Variants in FAM3D observed in about 807,000 individuals in gnomAD.
FAM3D encodes protein FAM3D.
FAM3D carries 26 observed loss-of-function variants against 29.8 expected under a neutral mutation model. The ratio of observed to expected loss-of-function variants is 0.87; its 90% CI spans 0.64 to 1.21. FAM3D has a LOEUF of 1.21. Among genes scored for constraint, FAM3D ranks in the 50% most tolerant of loss-of-function variants. The probability of loss-of-function intolerance (pLI) is 0.00; values close to 1 mark genes in which losing one functional copy is unlikely to be tolerated. For synonymous variants in FAM3D, 115 were observed against 102.3 expected (o/e 1.12, Z -0.75); for missense variants, 253 against 290.9 (o/e 0.87, Z 0.95).
At chr3:58,666,344 T>C (rs2067030411) in intron 1 of FAM3D, among the ~76,000 whole-genome samples, 1 of 152,218 alleles carries the variant, frequency 6.6e-6, no homozygotes, top group Admixed American at 6.5e-5. Flanking sequence ...GAATCCTTTT[T>C]ATCACAGTCT....
At chr3:58,649,541 A>AT in intron 3 of FAM3D, 1 of 606,114 alleles carries the variant, frequency 1.6e-6, no homozygotes, top group Non-Finnish European at 3.0e-6. Context: ...ACACATGTGT[A>AT]CACACACGCA....
intron 3 of FAM3D, among the ~76,000 whole-genome samples, chr3:58,653,075 G>A (rs1250172267): frequency 6.6e-6 from 1 of 151,874 alleles, no homozygotes; most frequent in African/African-American, 2.4e-5. Context: ...TTGTCTTCAG[G>A]AAGCTCACAT....
At chr3:58,639,630 C>T (rs901395524) in intron 7 of FAM3D, among the ~76,000 whole-genome samples, 1 of 152,198 alleles carries the variant, frequency 6.6e-6, no homozygotes, top group African/African-American at 2.4e-5. Flanking sequence ...AGCACCCTCC[C>T]ATCAAGCAAC....
chr3:58,662,972 C>T (rs2066960722), intron 1 of FAM3D, among the ~76,000 whole-genome samples: 1 of 152,242 alleles, frequency 6.6e-6, no homozygotes, highest in African/African-American at 2.4e-5. Flanking sequence ...GATCTCAGCT[C>T]ACTGCAACCT....
At chr3:58,659,657 C>T (rs2066894922) in intron 1 of FAM3D, among the ~76,000 whole-genome samples, 1 of 152,170 alleles carries the variant, frequency 6.6e-6, no homozygotes, top group Non-Finnish European at 1.5e-5. Context: ...TTTCTTCGTC[C>T]GCGGCCGGAT....
At chr3:58,640,424 G>A (rs1476162120) in intron 6 of FAM3D, among the ~76,000 whole-genome samples, 1 of 152,072 alleles carries the variant, frequency 6.6e-6, no homozygotes, top group African/African-American at 2.4e-5. Flanking sequence ...AGTCTGAGTC[G>A]GTGTTCTGTC....
intron 1 of FAM3D, among the ~76,000 whole-genome samples, chr3:58,662,881 G>A (rs1438800407): frequency 6.6e-6 from 1 of 152,228 alleles, no homozygotes; most frequent in Non-Finnish European, 1.5e-5. Flanking sequence ...CCCAAGCCAA[G>A]AAGACCAGAG....
chr3:58,654,782 G>A (rs541656149), intron 2 of FAM3D, among the ~76,000 whole-genome samples: 1 of 152,304 alleles, frequency 6.6e-6, no homozygotes, highest in East Asian at 1.9e-4. Flanking sequence ...CGGGTCCTGT[G>A]GGGTGGGATG....
At chr3:58,637,257 T>C in intron 7 of FAM3D, 32 bp from the exon 8 acceptor site, 3 of 1,573,978 alleles carry the variant, frequency 1.9e-6, no homozygotes, top group Non-Finnish European at 2.6e-6. Flanking sequence ...GCTGGTGATT[T>C]AGGGGAAATG....
Position 58,653,542 on chromosome 3 carries a change from G to T in FAM3D, c.121+132C>A, listed in dbSNP as rs1456449268. The T allele has an allele frequency of 1.3e-5, 11 of 853,942 alleles. No homozygotes were observed. The Admixed American group carries it at 1.6e-4, about 12-fold the overall frequency. 52.9% of individuals were successfully genotyped at this position (853,942 alleles called of 1,614,324 possible). A position where few individuals can be genotyped will look rare whatever the true frequency, so the allele number is the denominator to read the frequency against. On this transcript the variant is annotated intron_variant, in intron 3 of 9. Transcript: ENST00000358781. ...TAGTCTGGGGGTGCCCCCTCTCCCT[G>T]CAATTGCTGGGGTCCCAAAGGCAGC...
intron 4 of FAM3D, among the ~76,000 whole-genome samples, chr3:58,648,141 T>C (rs564348841): frequency 1.3e-5 from 2 of 152,202 alleles, no homozygotes; most frequent in Admixed American, 1.3e-4. Context: ...GCAGGTGATG[T>C]CTAAGTGTTT....
At chr3:58,662,453 G>T (rs75675126) in intron 1 of FAM3D, among the ~76,000 whole-genome samples, 9,205 of 152,188 alleles carry the variant, frequency 0.06, 373 homozygotes, top group East Asian at 0.15. Context: ...AATTCTAATA[G>T]GTATTATTAG....
chr3:58,655,500 G>T (rs2066767910), intron 2 of FAM3D, 51 bp downstream of exon 2: 4 of 1,610,650 alleles, frequency 2.5e-6, no homozygotes, highest in Non-Finnish European at 3.4e-6. Context: ...GCCCAGGATG[G>T]GTGGACACAG....
At chr3:58,662,514 T>C (rs1363134746) in intron 1 of FAM3D, among the ~76,000 whole-genome samples, 1 of 152,218 alleles carries the variant, frequency 6.6e-6, no homozygotes, top group African/African-American at 2.4e-5. Context: ...TTCCCAACAA[T>C]CTTATTGGCA....
At chr3:58,644,500 C>A (rs2066422262) in intron 5 of FAM3D, among the ~76,000 whole-genome samples, 1 of 152,240 alleles carries the variant, frequency 6.6e-6, no homozygotes, top group Non-Finnish European at 1.5e-5. Flanking sequence ...GCTTCTCCTG[C>A]CACATGGAAC....
chr3:58,662,766 G>T (rs1249671560), intron 1 of FAM3D, among the ~76,000 whole-genome samples: 1 of 152,178 alleles, frequency 6.6e-6, no homozygotes, highest in East Asian at 1.9e-4. Flanking sequence ...GTTGGTGGGG[G>T]TTACTCCCTT....
intron 4 of FAM3D, among the ~76,000 whole-genome samples, chr3:58,649,099 CTG>C (rs967020058): frequency 2.0e-5 from 3 of 151,850 alleles, no homozygotes; most frequent in African/African-American, 7.3e-5. Flanking sequence ...GTCTGAATGA[CTG>C]AGAGGGGGGC....
intron 4 of FAM3D, among the ~76,000 whole-genome samples, chr3:58,647,013 G>C (rs2066502580): frequency 6.6e-6 from 1 of 152,118 alleles, no homozygotes; most frequent in Non-Finnish European, 1.5e-5. Flanking sequence ...GCCAGGCTTG[G>C]TGAGCACCTT....
chr3:58,664,267 G>C (rs12489751), intron 1 of FAM3D, among the ~76,000 whole-genome samples: 1 of 152,104 alleles, frequency 6.6e-6, no homozygotes, highest in African/African-American at 2.4e-5. Context: ...CTCCATATGC[G>C]TTGCCCAGTT....
Sources: allele counts gnomAD v4.1 joint callset (sites outside exome capture counted in the v4.1 genomes callset), GRCh38; gene constraint gnomAD v4.1.1; transcripts MANE v1.5; gene names NCBI Gene and HGNC (gene_info 2026-07-23, HGNC 2026-07-21).